CPSF4: variants seen among roughly 807,000 people sequenced by gnomAD.
CPSF4 encodes cleavage and polyadenylation specific factor 4.
A neutral mutation model predicts 37.7 loss-of-function variants in CPSF4; 11 were observed. The observed-to-expected ratio is 0.29, with a 90% CI of 0.18 to 0.48. The LOEUF is 0.48. Ranked by LOEUF, CPSF4 falls within the 20% of genes least tolerant of loss-of-function variation. The pLI, the probability that CPSF4 is intolerant of heterozygous loss-of-function variation, is 0.99. For missense variants in CPSF4, 144 were observed against 359.5 expected (o/e 0.40, Z 4.85); for synonymous variants, 132 against 135.9 (o/e 0.97, Z 0.20).
In CPSF4 at chr7:99,438,965, C is replaced by T; in HGVS notation, c.-118C>T. The T allele has an allele frequency of 7.6e-7, 1 of 1,308,578 alleles. No individual in the cohort carries two copies. 81.1% of individuals were successfully genotyped at this position (1,308,578 alleles called of 1,614,324 possible). A position where few individuals can be genotyped will look rare whatever the true frequency, so the allele number is the denominator to read the frequency against. On this transcript the variant is annotated 5_prime_UTR_variant, in exon 1 of 8. Coordinates refer to ENST00000292476, the MANE Select transcript of CPSF4 (RefSeq NM_006693.4). ...CCCGGCATCCCTCGGGCGGCGGCGG[C>T]GGCGGCGGCGAGGCGAAGCGAAGGA... is the stretch of plus-strand genomic sequence containing the variant.
Position 99,453,920 on chromosome 7 carries a change from T to C in CPSF4, c.571-46T>C. On this transcript the variant is annotated intron_variant, in intron 6 of 7. Coordinates refer to ENST00000292476, the MANE Select transcript of CPSF4 (RefSeq NM_006693.4). This position sits in a 1 kb window ranked among gnomAD's most constrained non-coding sequence, Gnocchi z 4.7. ...TTCCTGTCCCCATCGGTAGTCTGCG[T>C]GCACGTGTTTTCCACAGTAAAACCG... The C allele has an allele frequency of 1.3e-6, 2 of 1,580,048 alleles. No individual in the cohort carries two copies. Among genetic ancestry groups the C allele is most frequent in the South Asian group, 2.2e-5 (2 of 89,282 alleles).
At chr7:99,447,974 G>A in intron 2 of CPSF4, 147 bp from the exon 3 acceptor site, 1 of 688,356 alleles carries the variant, frequency 1.5e-6, no homozygotes, top group South Asian at 1.7e-5. Context: ...TGCCTTCTGT[G>A]AGGGGGACCT....
intron 6 of CPSF4, 195 bp downstream of exon 6, chr7:99,452,635 C>G (rs941560469): frequency 1.7e-6 from 1 of 579,320 alleles, no homozygotes; most frequent in African/African-American, 1.9e-5. Flanking sequence ...GCCTCTTGCC[C>G]TAGAACCTCA....
At chr7:99,439,758 G>A (rs1796718614) in intron 1 of CPSF4, among the ~76,000 whole-genome samples, 1 of 152,106 alleles carries the variant, frequency 6.6e-6, no homozygotes, top group Non-Finnish European at 1.5e-5. Flanking sequence ...ATCAAAACTA[G>A]GCGGTTGGAG....
At chr7:99,440,415 C>G (rs779521565) in intron 1 of CPSF4, among the ~76,000 whole-genome samples, 9 of 151,894 alleles carry the variant, frequency 5.9e-5, no homozygotes, top group Non-Finnish European at 1.0e-4. Context: ...GTGACGCAAT[C>G]ATGGCTCAAT....
At position 99,453,796 on chromosome 7, in the gene CPSF4, C is replaced by T. The variant is rs890938872; in HGVS notation, c.571-170C>T. 1.6e-6 allele frequency: 1 copy of T among 620,914 alleles called. No homozygotes were observed. The highest frequency in any genetic ancestry group is 1.9e-5 in the African/African-American group (1 of 53,944). The allele number at this position is 620,914 out of a possible 1,614,324, so 38.5% of individuals were successfully genotyped here. On this transcript the variant is annotated intron_variant, in intron 6 of 7. Transcript: ENST00000292476. The surrounding 1 kb of genome is among the most constrained non-coding windows in gnomAD (Gnocchi z 4.7). ...GTGTTTTTCGGGCAGTGGCTTCTGC[C>T]ATCATCACCACATGTTTCTCTGCTG...
At chr7:99,443,582 G>A (rs1466142998) in intron 1 of CPSF4, 8 of 559,380 alleles carry the variant, frequency 1.4e-5, no homozygotes, top group Admixed American at 2.9e-5. Context: ...GGGAAGCCAA[G>A]GCAGGCGGAT....
rs780176480 is a variant in CPSF4, at chr7:99,450,768, C to T, written c.470C>T (p.Pro157Leu). The T allele has an allele frequency of 1.5e-5, 24 of 1,613,750 alleles. No homozygotes were observed. The highest frequency in any genetic ancestry group is 2.2e-5 in the East Asian group (1 of 44,902). The change falls in exon 5 of 8, where the codon CCG becomes CTG. Residue 157 changes from proline to leucine, a missense_variant. By Grantham distance (98) the Pro-to-Leu change is moderately conservative. Around this residue, in one of 4 missense-constraint regions of CPSF4, gnomAD observed 86 missense variants for 141.5 expected, o/e 0.61. Coordinates refer to ENST00000292476, the MANE Select transcript of CPSF4 (RefSeq NM_006693.4). ...ICVNYLVGFCPEGPSCKFMHP... is the reference protein window; with the variant it reads ...ICVNYLVGFCLEGPSCKFMHP... ...GTGAATTACCTCGTGGGATTCTGCC[C>T]GGAGGGGCCCTCGTGTAAATTCATG...
Position 99,439,012 on chromosome 7 carries a change from G to C in CPSF4, c.-71G>C. 1.4e-6 allele frequency: 2 copies of C among 1,456,260 alleles called. No homozygotes were observed. The highest frequency in any genetic ancestry group is 2.6e-5 in the South Asian group (2 of 78,146). The allele number at this position is 1,456,260 out of a possible 1,614,324, so 90.2% of individuals were successfully genotyped here. Reference sequence around the variant, plus strand: ...AGGAGGAGTGTGTGCGGCGGGGCCGGCGGCGGGTAAAGGCGAGAAGGCTGC... The same window carrying C: ...AGGAGGAGTGTGTGCGGCGGGGCCGCCGGCGGGTAAAGGCGAGAAGGCTGC... On this transcript the variant is annotated 5_prime_UTR_variant, in exon 1 of 8. Coordinates refer to ENST00000292476, the MANE Select transcript of CPSF4 (RefSeq NM_006693.4).
At chr7:99,442,610 A>C (rs1214899725) in intron 1 of CPSF4, among the ~76,000 whole-genome samples, 2 of 143,542 alleles carry the variant, frequency 1.4e-5, no homozygotes, top group East Asian at 4.1e-4. Context: ...GTGAGCCGAG[A>C]TCACACCACT....
At chr7:99,445,865 C>T (rs1797450565) in intron 2 of CPSF4, among the ~76,000 whole-genome samples, 1 of 151,788 alleles carries the variant, frequency 6.6e-6, no homozygotes, top group Non-Finnish European at 1.5e-5. Context: ...GCCTAGGTAA[C>T]AGAGTGAGAC....
intron 2 of CPSF4, among the ~76,000 whole-genome samples, chr7:99,445,481 A>T (rs949312530): frequency 6.6e-6 from 1 of 151,788 alleles, no homozygotes; most frequent in Non-Finnish European, 1.5e-5. Context: ...TTCTTACTTT[A>T]GTTCAGCAAG....
At position 99,452,348 on chromosome 7, in the gene CPSF4, C is replaced by A; in HGVS notation, c.498-20C>A. On this transcript the variant is annotated intron_variant, in intron 5 of 7. Coordinates refer to ENST00000292476, the MANE Select transcript of CPSF4 (RefSeq NM_006693.4). Reference sequence around the variant, plus strand: ...CCACTCCTTCTCTTGTTCTCATCCCCTCTGGCTGCTGGTGACCAGCCCTCG... The same window carrying A: ...CCACTCCTTCTCTTGTTCTCATCCCATCTGGCTGCTGGTGACCAGCCCTCG... The A allele has an allele frequency of 1.2e-6, 2 of 1,610,996 alleles. No homozygotes were observed. The highest frequency in any genetic ancestry group is 1.7e-6 in the Non-Finnish European group (2 of 1,177,330).
At chr7:99,449,091 A>C (rs1797759741) in intron 3 of CPSF4, 1 of 152,380 alleles carries the variant, frequency 6.6e-6, no homozygotes, top group Non-Finnish European at 1.5e-5. Flanking sequence ...TCTGTGGGTC[A>C]GCGTGAGGCT....
intron 7 of CPSF4, among the ~76,000 whole-genome samples, chr7:99,454,413 G>A (rs1477412315): frequency 1.3e-5 from 2 of 152,270 alleles, no homozygotes; most frequent in Middle Eastern, 3.4e-3. Flanking sequence ...CCAAGAGGCC[G>A]GGAACAAAAT....
intron 1 of CPSF4, chr7:99,442,745 C>A: frequency 1.9e-6 from 1 of 523,554 alleles, no homozygotes; most frequent in Non-Finnish European, 3.5e-6. Context: ...ATAAGTCAAA[C>A]TGCCGCGGCA....
intron 2 of CPSF4, among the ~76,000 whole-genome samples, chr7:99,446,075 G>A (rs1472596371): frequency 1.3e-5 from 2 of 152,154 alleles, no homozygotes; most frequent in Non-Finnish European, 2.9e-5. Context: ...GGTGAGTTTT[G>A]CTTCTATAAC....
At chr7:99,450,453 T>G (rs1304794579) in intron 4 of CPSF4, 82 bp downstream of exon 4, 5 of 989,918 alleles carry the variant, frequency 5.1e-6, no homozygotes, top group Non-Finnish European at 7.8e-6. Flanking sequence ...TGCCAGCTGG[T>G]CTACCTGTCC....
Position 99,448,477 on chromosome 7 carries a change from TTTTA to T in CPSF4, c.307+205_307+208del. ...CTCATCTCTTTTTTTTTTTTTTTTT[TTTTA>T]AAGACATAGGGTCTCGCTATGTTTC... On this transcript the variant is annotated intron_variant, in intron 3 of 7. Transcript: ENST00000292476. This position sits in a 1 kb window ranked among gnomAD's most constrained non-coding sequence, Gnocchi z 4.4. 2.0e-5 allele frequency: 11 copies of T among 555,688 alleles called. No individual in the cohort carries two copies. The highest frequency in any genetic ancestry group is 4.6e-5 in the South Asian group (2 of 43,546). The allele number at this position is 555,688 out of a possible 1,614,324, so 34.4% of individuals were successfully genotyped here.
Sources: gnomAD v4.1 joint callset for allele counts (sites outside exome capture counted in the v4.1 genomes callset) on GRCh38, gnomAD v4.1.1 for gene constraint, gnomAD v4.1.1 regional missense constraint, Gnocchi (gnomAD v3.1) non-coding constraint, MANE v1.5 for transcripts, NCBI Gene and HGNC (gene_info 2026-07-23, HGNC 2026-07-21) for gene names.